Variants in NXPH2 observed in about 807,000 individuals in gnomAD.
NXPH2 encodes neurexophilin-2.
A neutral mutation model predicts 19.8 loss-of-function variants in NXPH2; 5 were observed. The ratio of observed to expected loss-of-function variants is 0.25; its 90% CI spans 0.13 to 0.53. The LOEUF (loss-of-function observed/expected upper bound fraction) is 0.53, where lower values mean the gene tolerates loss of function less well. Among genes scored for constraint, NXPH2 ranks in the 20% least tolerant of loss-of-function variants. The pLI is 0.96. For synonymous variants in NXPH2, 154 were observed against 127.4 expected (o/e 1.21, Z -1.41); for missense variants, 289 against 322.8 (o/e 0.90, Z 0.80).
intron 1 of NXPH2, among the ~76,000 whole-genome samples, chr2:138,734,235 ACT>A (rs1681499009): frequency 6.6e-6 from 1 of 151,986 alleles, no homozygotes; most frequent in Admixed American, 6.6e-5. Flanking sequence ...ATAGAAGAAG[ACT>A]CTGTCACAAA....
intron 1 of NXPH2, among the ~76,000 whole-genome samples, chr2:138,688,473 T>C (rs1303144362): frequency 6.6e-6 from 1 of 152,184 alleles, no homozygotes; most frequent in Admixed American, 6.5e-5. Flanking sequence ...TGAGCCACCA[T>C]GCTCGGATGA....
At chr2:138,737,356 T>G (rs1681566292) in intron 1 of NXPH2, among the ~76,000 whole-genome samples, 1 of 151,560 alleles carries the variant, frequency 6.6e-6, no homozygotes, top group African/African-American at 2.4e-5. Flanking sequence ...AAAAAGAGAG[T>G]GAGAGCCAAG....
intron 1 of NXPH2, among the ~76,000 whole-genome samples, chr2:138,712,840 A>G (rs1681124622): frequency 6.6e-6 from 1 of 152,192 alleles, no homozygotes; most frequent in South Asian, 2.1e-4. Context: ...ACGATGGTCT[A>G]TGTCACACAC....
intron 1 of NXPH2, among the ~76,000 whole-genome samples, chr2:138,697,096 AT>A (rs1680839679): frequency 6.6e-6 from 1 of 152,132 alleles, no homozygotes; most frequent in African/African-American, 2.4e-5. Context: ...ATGTGGTATA[AT>A]TCCATTTATA....
intron 1 of NXPH2, among the ~76,000 whole-genome samples, chr2:138,749,204 G>A (rs1681789068): frequency 6.6e-6 from 1 of 152,014 alleles, no homozygotes; most frequent in African/African-American, 2.4e-5. Flanking sequence ...TTCCTCCTTT[G>A]CTCACTCTTC....
At chr2:138,686,299 C>T (rs1031915365) in intron 1 of NXPH2, among the ~76,000 whole-genome samples, 4 of 152,126 alleles carry the variant, frequency 2.6e-5, no homozygotes, top group Admixed American at 6.5e-5. Context: ...CCGTATCTGT[C>T]TCAGAAGTCC....
At position 138,780,181 on chromosome 2, in the gene NXPH2, G is replaced by T; in HGVS notation, c.51+10C>A. On this transcript the variant is annotated intron_variant, in intron 1 of 1. Coordinates refer to ENST00000272641, the MANE Select transcript of NXPH2 (RefSeq NM_007226.3). ...CGGCGTGTGGGACGGCGCGCGGGCCGGGCACTCACCAGCTGCAGCAAGCCA... is the reference window on the plus strand; with the variant it reads ...CGGCGTGTGGGACGGCGCGCGGGCCTGGCACTCACCAGCTGCAGCAAGCCA... The T allele has an allele frequency of 2.7e-6, 4 of 1,490,504 alleles. No homozygotes were observed. Among genetic ancestry groups the T allele is most frequent in the Non-Finnish European group, 3.5e-6 (4 of 1,128,288 alleles). 92.3% of individuals were successfully genotyped at this position (1,490,504 alleles called of 1,614,324 possible).
intron 1 of NXPH2, among the ~76,000 whole-genome samples, chr2:138,696,339 T>A (rs931017295): frequency 6.6e-6 from 1 of 152,214 alleles, no homozygotes; most frequent in Non-Finnish European, 1.5e-5. Context: ...CAGCTTGTTA[T>A]CTGACAAAGG....
At chr2:138,708,065 T>C (rs1207966472) in intron 1 of NXPH2, among the ~76,000 whole-genome samples, 1 of 152,206 alleles carries the variant, frequency 6.6e-6, no homozygotes, top group Non-Finnish European at 1.5e-5. Context: ...TGTCTCCTCT[T>C]ATAGAGCCTC....
intron 1 of NXPH2, among the ~76,000 whole-genome samples, chr2:138,677,729 A>C (rs1460499716): frequency 6.6e-6 from 1 of 152,236 alleles, no homozygotes; most frequent in East Asian, 1.9e-4. Flanking sequence ...TATGGAAATA[A>C]TTTATAAACT....
At chr2:138,718,265 A>G (rs1430295332) in intron 1 of NXPH2, among the ~76,000 whole-genome samples, 1 of 152,134 alleles carries the variant, frequency 6.6e-6, no homozygotes, top group Non-Finnish European at 1.5e-5. Context: ...GAAATTAGTG[A>G]AAAGACAATT....
intron 1 of NXPH2, among the ~76,000 whole-genome samples, chr2:138,716,367 T>TAA (rs1681195328): frequency 1.3e-5 from 2 of 152,090 alleles, no homozygotes; most frequent in African/African-American, 4.8e-5. Context: ...CTAGTGCTCT[T>TAA]ATAAAAAGAG....
intron 1 of NXPH2, among the ~76,000 whole-genome samples, chr2:138,746,602 C>T (rs1358024466): frequency 6.6e-6 from 1 of 152,172 alleles, no homozygotes; most frequent in Non-Finnish European, 1.5e-5. Context: ...TGTCAGTCCT[C>T]CAGGAAGCTA....
intron 1 of NXPH2, among the ~76,000 whole-genome samples, chr2:138,725,844 A>G (rs1573967755): frequency 6.6e-6 from 1 of 152,212 alleles, no homozygotes. Flanking sequence ...TCAAATGCAT[A>G]GGTAAGAAGT....
At chr2:138,742,275 C>T (rs1338625995) in intron 1 of NXPH2, among the ~76,000 whole-genome samples, 2 of 152,078 alleles carry the variant, frequency 1.3e-5, no homozygotes, top group Non-Finnish European at 2.9e-5. Context: ...GCTGGAGCTG[C>T]AAAGGAGTAT....
At chr2:138,676,804 A>T (rs1680490630) in intron 1 of NXPH2, among the ~76,000 whole-genome samples, 1 of 152,204 alleles carries the variant, frequency 6.6e-6, no homozygotes, top group Admixed American at 6.5e-5. Context: ...TTAATTGAGC[A>T]ACTTGTTCAG....
At chr2:138,777,906 A>G (rs1682292012) in intron 1 of NXPH2, among the ~76,000 whole-genome samples, 1 of 151,488 alleles carries the variant, frequency 6.6e-6, no homozygotes. Context: ...TTCCTAGAAA[A>G]GTAAATGACT....
chr2:138,775,519 G>A (rs1452911867), intron 1 of NXPH2, among the ~76,000 whole-genome samples: 1 of 151,954 alleles, frequency 6.6e-6, no homozygotes, highest in African/African-American at 2.4e-5. Flanking sequence ...CTTATAAAAG[G>A]GCACCTGATT....
chr2:138,686,278 G>C (rs1680649097), intron 1 of NXPH2, among the ~76,000 whole-genome samples: 1 of 152,032 alleles, frequency 6.6e-6, no homozygotes, highest in African/African-American at 2.4e-5. Context: ...TCTCCCACCA[G>C]CAACCTCTTC....
Sources: gnomAD v4.1 joint callset for allele counts (sites outside exome capture counted in the v4.1 genomes callset) on GRCh38, gnomAD v4.1.1 for gene constraint, MANE v1.5 for transcripts, NCBI Gene and HGNC (gene_info 2026-07-23, HGNC 2026-07-21) for gene names.